Variants in FHIT observed in about 807,000 individuals in gnomAD.
The protein encoded by FHIT is bis(5'-adenosyl)-triphosphatase.
A neutral mutation model predicts 17.9 loss-of-function variants in FHIT; 19 were observed. The ratio of observed to expected loss-of-function variants is 1.06; its 90% confidence interval spans 0.74 to 1.56. The LOEUF is 1.56. FHIT is among the 40% of genes most tolerant of loss of function. The pLI is 0.00. For synonymous variants in FHIT, 81 were observed against 69.7 expected (o/e 1.16, Z -0.81); for missense variants, 248 against 189.2 (o/e 1.31, Z -1.82).
At chr3:60,870,793 C>G (rs960885969) in intron 3 of FHIT, among the ~76,000 whole-genome samples, 1 of 152,074 alleles carries the variant, frequency 6.6e-6, no homozygotes, top group Non-Finnish European at 1.5e-5. Flanking sequence ...TAGGTTACCG[C>G]GTCTCACAAA....
At chr3:60,941,115 A>T (rs1398691430) in intron 3 of FHIT, among the ~76,000 whole-genome samples, 1 of 152,240 alleles carries the variant, frequency 6.6e-6, no homozygotes, top group African/African-American at 2.4e-5. Context: ...TTTTTAAAAA[A>T]ATTAAGTCAT....
chr3:60,495,797 C>G (rs1350591033), intron 5 of FHIT, among the ~76,000 whole-genome samples: 1 of 152,088 alleles, frequency 6.6e-6, no homozygotes, highest in East Asian at 1.9e-4. Flanking sequence ...GAATGCTTGT[C>G]TTTCTAGACA....
intron 5 of FHIT, among the ~76,000 whole-genome samples, chr3:60,218,857 C>CTACATACA (rs36071604): frequency 4.1e-4 from 62 of 151,822 alleles, no homozygotes; most frequent in African/African-American, 1.4e-3. Flanking sequence ...TCTATACTGC[C>CTACATACA]TACATACATA....
intron 5 of FHIT, among the ~76,000 whole-genome samples, chr3:60,528,438 A>AAAGGAAGG (rs888687377): frequency 7.7e-6 from 1 of 129,812 alleles, no homozygotes; most frequent in African/African-American, 3.5e-5. Context: ...AGGAAGGAAA[A>AAAGGAAGG]AAGGAAGGAA....
At chr3:60,629,462 G>C (rs2039383809) in intron 4 of FHIT, among the ~76,000 whole-genome samples, 1 of 152,066 alleles carries the variant, frequency 6.6e-6, no homozygotes, top group African/African-American at 2.4e-5. Flanking sequence ...ATGGTCCATG[G>C]AACACCTTAT....
intron 5 of FHIT, among the ~76,000 whole-genome samples, chr3:60,020,726 T>C (rs1700524061): frequency 1.3e-5 from 2 of 152,172 alleles, no homozygotes; most frequent in South Asian, 4.1e-4. Flanking sequence ...TTAAAATAAT[T>C]CTTAATGTCA....
At chr3:61,216,788 T>A (rs958566374) in intron 1 of FHIT, among the ~76,000 whole-genome samples, 3 of 152,116 alleles carry the variant, frequency 2.0e-5, no homozygotes, top group African/African-American at 7.2e-5. Context: ...ATGTGGCACA[T>A]ATATACCATG....
At chr3:60,219,833 T>C (rs979194688) in intron 5 of FHIT, among the ~76,000 whole-genome samples, 2 of 152,144 alleles carry the variant, frequency 1.3e-5, no homozygotes, top group African/African-American at 4.8e-5. Flanking sequence ...GTGGTTATAA[T>C]TGTGTAGGCT....
chr3:59,916,409 C>A (rs1339693782), intron 8 of FHIT, among the ~76,000 whole-genome samples: 1 of 152,144 alleles, frequency 6.6e-6, no homozygotes, highest in African/African-American at 2.4e-5. Flanking sequence ...CCTCCGCTTG[C>A]AGATGGCCTA....
At chr3:60,690,450 C>T (rs782676265) in intron 4 of FHIT, 5 of 577,640 alleles carry the variant, frequency 8.7e-6, no homozygotes, top group Admixed American at 5.7e-5. Flanking sequence ...CTGTATGCTT[C>T]AGGATGAAGT....
At chr3:61,176,199 T>A (rs953375133) in intron 2 of FHIT, among the ~76,000 whole-genome samples, 1 of 152,218 alleles carries the variant, frequency 6.6e-6, no homozygotes, top group African/African-American at 2.4e-5. Context: ...GTTTGAGCCA[T>A]TGAGGCTCTT....
At chr3:60,314,149 G>A (rs550925323) in intron 5 of FHIT, among the ~76,000 whole-genome samples, 5 of 152,208 alleles carry the variant, frequency 3.3e-5, no homozygotes, top group South Asian at 2.1e-4. Context: ...GTCTTGCTGC[G>A]TAAATGCAGC....
chr3:60,806,110 A>C (rs2594159), intron 4 of FHIT, among the ~76,000 whole-genome samples: 61,241 of 152,120 alleles, frequency 0.4, 14,200 homozygotes, highest in East Asian at 0.77. Flanking sequence ...AAAGTTCAGA[A>C]AATGGAAACA....
chr3:60,162,426 T>C (rs1333901739), intron 5 of FHIT, among the ~76,000 whole-genome samples: 1 of 152,186 alleles, frequency 6.6e-6, no homozygotes, highest in African/African-American at 2.4e-5. Context: ...TATTTCTGGA[T>C]TACTTTATTG....
intron 5 of FHIT, among the ~76,000 whole-genome samples, chr3:60,136,582 G>A (rs1699825090): frequency 6.6e-6 from 1 of 152,108 alleles, no homozygotes; most frequent in South Asian, 2.1e-4. Flanking sequence ...TATCCTTATA[G>A]GGGTTCGGTT....
intron 7 of FHIT, among the ~76,000 whole-genome samples, chr3:59,948,969 G>A (rs1343571651): frequency 6.6e-6 from 1 of 152,024 alleles, no homozygotes; most frequent in Non-Finnish European, 1.5e-5. Context: ...TGAGGTTTGG[G>A]GGATGAATGA....
chr3:60,335,940 C>T (rs1559830695), intron 5 of FHIT, among the ~76,000 whole-genome samples: 1 of 152,076 alleles, frequency 6.6e-6, no homozygotes, highest in African/African-American at 2.4e-5. Flanking sequence ...ATGAAACATG[C>T]ATATGTTAAC....
intron 5 of FHIT, among the ~76,000 whole-genome samples, chr3:60,383,613 A>G (rs550707178): frequency 6.6e-6 from 1 of 152,154 alleles, no homozygotes; most frequent in African/African-American, 2.4e-5. Context: ...TATGATCACT[A>G]TCATTTAAAT....
At chr3:60,785,335 T>G (rs782800036) in intron 4 of FHIT, among the ~76,000 whole-genome samples, 1 of 152,154 alleles carries the variant, frequency 6.6e-6, no homozygotes, top group Non-Finnish European at 1.5e-5. Context: ...ATAGAAAATG[T>G]AACAATAGGA....
Sources: gnomAD v4.1 joint callset for allele counts (sites outside exome capture counted in the v4.1 genomes callset) on GRCh38, gnomAD v4.1.1 for gene constraint, MANE v1.5 for transcripts, NCBI Gene and HGNC (gene_info 2026-07-23, HGNC 2026-07-21) for gene names.